UBR4: variants seen among roughly 807,000 people sequenced by gnomAD.
UBR4 encodes the protein ubiquitin protein ligase E3 component n-recognin 4.
In UBR4, 124 loss-of-function variants were observed where a neutral mutation model predicts 575.6. The observed-to-expected ratio is 0.22, with a 90% CI of 0.19 to 0.25. The LOEUF (loss-of-function observed/expected upper bound fraction) is 0.25. Ranked by LOEUF, UBR4 falls within the 10% of genes least tolerant of loss-of-function variation. The pLI is 1.00. For synonymous variants in UBR4, 2,455 were observed against 2,473.7 expected, an observed-to-expected ratio of 0.99 and a Z score of 0.22; for missense variants, 4,818 against 6,478.8, an observed-to-expected ratio of 0.74 and a Z score of 8.80.
chr1:19,193,771 A>G (rs4912053), intron 8 of UBR4, among the ~76,000 whole-genome samples: 8 of 151,916 alleles, frequency 5.3e-5, no homozygotes, highest in Non-Finnish European at 7.4e-5. Flanking sequence ...ACACGCGCGC[A>G]CACACACACA....
chr1:19,112,772 G>C lies in UBR4; in HGVS notation c.11553C>G (p.Phe3851Leu), dbSNP rs755703889. ...ATAAGGCACGGTACTGGCTGGCAGT[G>C]AATGTGGGCTGCACGGAGGTCCGGG... ...KSSRTSVQPT[F>L]TASQYRALSV... Residue 3851 changes from phenylalanine to leucine, a missense_variant, in exon 78 of 106, where the codon TTC becomes TTG. Around this residue, in one of 29 missense-constraint regions of UBR4, gnomAD observed 333 missense variants for 459.2 expected, o/e 0.73. Transcript: ENST00000375254. The C allele has an allele frequency of 1.2e-6, 2 of 1,614,110 alleles. No individual in the cohort carries two copies. The highest frequency in any genetic ancestry group is 1.1e-5 in the South Asian group (1 of 91,090).
rs781143392 is a variant in UBR4 at position 19,173,026 on chromosome 1, G to C, written c.3359C>G (p.Ser1120Cys). Residue 1120 changes from serine to cysteine, a missense_variant, in exon 25 of 106, where the codon TCC (serine) becomes TGC (cysteine). By Grantham distance (112) the Ser-to-Cys change is moderately radical. Coordinates refer to ENST00000375254, the MANE Select transcript of UBR4 (RefSeq NM_020765.3). ...GATCGCGGCATCAAGGGTGTAGATG[G>C]ACTGCAGACTGGGAATTTCATGCAG... ...LQLHEIPSLQ[S>C]IYTLDAAISK... The C allele has an allele frequency of 1.2e-6, 2 of 1,613,720 alleles. No individual in the cohort carries two copies. The highest frequency in any genetic ancestry group is 2.2e-5 in the South Asian group (2 of 91,052).
At chr1:19,162,072 G>T (rs1302759936) in intron 35 of UBR4, among the ~76,000 whole-genome samples, 175 bp from the exon 36 acceptor site, 2 of 152,172 alleles carry the variant, frequency 1.3e-5, no homozygotes, top group Non-Finnish European at 2.9e-5. Flanking sequence ...GTTACTTCAG[G>T]TGAGTGAGAT....
At chr1:19,160,331 C>T in intron 38 of UBR4, 50 bp from the exon 39 acceptor site, 1 of 1,453,258 alleles carries the variant, frequency 6.9e-7, no homozygotes, top group Non-Finnish European at 9.2e-7. Flanking sequence ...AAAAGAAAAA[C>T]AATGGATAAT....
chr1:19,091,705 G>A (rs897567182), intron 97 of UBR4, among the ~76,000 whole-genome samples: 22 of 152,166 alleles, frequency 1.4e-4, no homozygotes, highest in Non-Finnish European at 2.6e-4. Context: ...ATACATTTCC[G>A]GTGAAATGTA....
At chr1:19,184,485 G>A (rs1425306166) in intron 15 of UBR4, among the ~76,000 whole-genome samples, 3 of 152,010 alleles carry the variant, frequency 2.0e-5, no homozygotes, top group Non-Finnish European at 2.9e-5. Context: ...TCCTTTGTCC[G>A]GCTCCAATTC....
intron 104 of UBR4, chr1:19,077,762 AAAACC>A (rs776197849): frequency 1.3e-6 from 2 of 1,487,858 alleles, no homozygotes; most frequent in African/African-American, 1.4e-5. Context: ...CAAACCAAAC[AAAACC>A]AAACAAAACA....
chr1:19,099,537 C>T, intron 90 of UBR4, 60 bp downstream of exon 90: 2 of 1,475,296 alleles, frequency 1.4e-6, no homozygotes, highest in East Asian at 2.3e-5. Flanking sequence ...CCTGCTGGTA[C>T]AAGTCTGCAT....
intron 60 of UBR4, among the ~76,000 whole-genome samples, chr1:19,132,605 T>TAAAAAAAAAAAAAAAAAAAAAAAA: frequency 2.1e-4 from 5 of 24,094 alleles, no homozygotes; most frequent in Admixed American, 1.0e-3. Flanking sequence ...TAAAAAATGG[T>TAAAAAAAAAAAAAAAAAAAAAAAA]AAAAAAAAAA....
chr1:19,153,226 A>G lies in UBR4; in HGVS notation c.6832+75T>C. 6.8e-7 allele frequency: 1 copy of G among 1,462,508 alleles called. No homozygotes were observed. Among genetic ancestry groups the G allele is most frequent in the Non-Finnish European group, 9.5e-7 (1 of 1,052,224 alleles). 90.6% of individuals were successfully genotyped at this position (1,462,508 alleles called of 1,614,324 possible). On this transcript the variant is annotated intron_variant, in intron 46 of 105. Transcript: ENST00000375254. The surrounding 1 kb of genome is among the most constrained non-coding windows in gnomAD (Gnocchi z 4.1). ...TCACATTTCTTCACAGATATTTTCA[A>G]CAGTCTATTCTGAGTCACTGTCTAG...
intron 78 of UBR4, chr1:19,112,059 G>A (rs972715111): frequency 6.5e-6 from 1 of 153,570 alleles, no homozygotes; most frequent in African/African-American, 2.4e-5. Context: ...CCAGCCTACT[G>A]TCAGTATTTT....
At chr1:19,172,500 G>C (rs1391644992) in intron 25 of UBR4, among the ~76,000 whole-genome samples, 1 of 152,178 alleles carries the variant, frequency 6.6e-6, no homozygotes, top group South Asian at 2.1e-4. Flanking sequence ...CTGGGCGACA[G>C]AGCGAGATGC....
In UBR4 at chr1:19,124,601, G is replaced by A. The variant is rs768914012; in HGVS notation, c.9528C>T (p.Asp3176=). 5 of 1,614,234 alleles carry A rather than the reference G, an allele frequency of 3.1e-6. No individual in the cohort carries two copies. In the Admixed American group the frequency reaches 8.3e-5, roughly 27 times the overall value. The change falls in exon 65 of 106, where the codon GAC becomes GAT. Residue 3176 remains aspartate, a synonymous_variant. Coordinates refer to ENST00000375254, the MANE Select transcript of UBR4 (RefSeq NM_020765.3). ...CAGGAGGTGGGATTCGAGAATTGGT[G>A]TCAGTAATCTTTTTGATTTGGTAAG... ...RLPYQIKKIT[D]TNSRIPPPVF...
chr1:19,179,835 T>C (rs2090692933), intron 17 of UBR4, among the ~76,000 whole-genome samples: 1 of 152,320 alleles, frequency 6.6e-6, no homozygotes, highest in Admixed American at 6.5e-5. Context: ...AGGATGCCAA[T>C]GGAAAACCAG....
Position 19,176,721 on chromosome 1 carries a change from G to A in UBR4, c.2644C>T (p.His882Tyr). 2 of 1,613,154 alleles carry A rather than the reference G, an allele frequency of 1.2e-6. No individual in the cohort carries two copies. Among genetic ancestry groups the A allele is most frequent in the Non-Finnish European group, 1.7e-6 (2 of 1,179,696 alleles). Residue 882 changes from histidine to tyrosine, a missense_variant, in exon 20 of 106, where the codon CAT becomes TAT. His to Tyr is a moderately conservative substitution (Grantham distance 83). Transcript: ENST00000375254. Reference sequence around the variant, plus strand: ...CCAAAGGGAGGACTTAGCAGGTTATGCTGTACCTTTTAAAACACAAATACT... The same window carrying A: ...CCAAAGGGAGGACTTAGCAGGTTATACTGTACCTTTTAAAACACAAATACT... ...APVYLFEQVQ[H>Y]NLLSPPFGWA...
Position 19,105,030 on chromosome 1 carries a change from G to A in UBR4, c.12645+18C>T. The A allele has an allele frequency of 6.2e-7, 1 of 1,611,778 alleles. No individual in the cohort carries two copies. The highest frequency in any genetic ancestry group is 8.5e-7 in the Non-Finnish European group (1 of 1,178,894). On this transcript the variant is annotated intron_variant, in intron 85 of 105. Coordinates refer to ENST00000375254, the MANE Select transcript of UBR4 (RefSeq NM_020765.3). ...GGGAATTAGGGAAGGGGCTCTCTTG[G>A]GCAATAGGGTAGGATACCTTGGTGA...
rs1465379189 is a variant in UBR4 at position 19,084,484 on chromosome 1, C to A, written c.15008+20G>T. On this transcript the variant is annotated intron_variant, in intron 102 of 105. Coordinates refer to ENST00000375254, the MANE Select transcript of UBR4 (RefSeq NM_020765.3). ...AGGGTGGGTCTGCGAGATGCCGCCC[C>A]TGGGACACAGGGTACTGACGTGTTC... 1 of 1,583,158 alleles carries A rather than the reference C, an allele frequency of 6.3e-7. No individual in the cohort carries two copies. Among genetic ancestry groups the A allele is most frequent in the Non-Finnish European group, 8.6e-7 (1 of 1,157,404 alleles).
chr1:19,209,921 G>A, intron 1 of UBR4, 152 bp downstream of exon 1: 2 of 1,319,610 alleles, frequency 1.5e-6, no homozygotes, highest in South Asian at 3.8e-5. Flanking sequence ...ACCCAGGCAA[G>A]CCAGTCTCCC....
rs749015194 is a variant in UBR4 at position 19,092,799 on chromosome 1, T to C, written c.14211+20A>G. ...TACTTGTACCCCTGTACCCTCACAC[T>C]ACCTGTCCTGGCTACCCACCTGGGT... On this transcript the variant is annotated intron_variant, in intron 97 of 105. Transcript: ENST00000375254. 4.4e-6 allele frequency: 7 copies of C among 1,600,980 alleles called. No individual in the cohort carries two copies. In the East Asian group the frequency reaches 1.1e-4, roughly 26 times the overall value.
Sources: gnomAD v4.1 joint callset for allele counts (sites outside exome capture counted in the v4.1 genomes callset) on GRCh38, gnomAD v4.1.1 for gene constraint, gnomAD v4.1.1 regional missense constraint, Gnocchi (gnomAD v3.1) non-coding constraint, MANE v1.5 for transcripts, NCBI Gene and HGNC (gene_info 2026-07-23, HGNC 2026-07-21) for gene names.